DOCK8: variants seen among roughly 807,000 people sequenced by gnomAD.
DOCK8 encodes the protein dedicator of cytokinesis protein 8.
Under a neutral mutation model 245.6 loss-of-function variants are expected in DOCK8, and 141 were observed. The ratio of observed to expected loss-of-function variants is 0.57; its 90% CI spans 0.50 to 0.66. The LOEUF (loss-of-function observed/expected upper bound fraction) is 0.66, where lower values mean the gene tolerates loss of function less well. DOCK8 is among the 30% of genes least tolerant of loss of function. DOCK8 has a pLI of 0.00. For synonymous variants in DOCK8, 1,168 were observed against 970.2 expected (o/e 1.20, Z -3.79); for missense variants, 2,965 against 2,603.4 (o/e 1.14, Z -3.02).
intron 1 of DOCK8, among the ~76,000 whole-genome samples, chr9:233,593 C>T (rs9695364): frequency 0.069 from 10,499 of 151,748 alleles, 369 homozygotes; most frequent in African/African-American, 0.093. Context: ...GTATTGGGTG[C>T]ATATATATTT....
rs2057373104 is a variant in DOCK8 at position 449,800 on chromosome 9, T to C, written c.5834T>C (p.Ile1945Thr). 6.2e-7 allele frequency: 1 copy of C among 1,613,002 alleles called. No homozygotes were observed. Among genetic ancestry groups the C allele is most frequent in the South Asian group, 1.1e-5 (1 of 91,030 alleles). ...CATGTTCAGTTTGTTTTGACACCGA[T>C]TGAAGTTGCCATTGAAGACATGAAG... ...IQKEEFVLTP[I>T]EVAIEDMKKK... Residue 1945 changes from isoleucine (I) to threonine (T), a missense_variant, in exon 45 of 48, where the codon ATT becomes ACT. Coordinates refer to ENST00000432829, the MANE Select transcript of DOCK8 (RefSeq NM_203447.4).
At chr9:417,995 G>A (rs1393754501) in intron 29 of DOCK8, 73 bp from the exon 30 acceptor site, 1 of 1,600,094 alleles carries the variant, frequency 6.2e-7, no homozygotes, top group African/African-American at 1.3e-5. Context: ...AGAAGTATCA[G>A]TCTCTTATTG....
intron 39 of DOCK8, among the ~76,000 whole-genome samples, chr9:436,071 T>C (rs1333705983): frequency 1.3e-5 from 2 of 152,242 alleles, no homozygotes; most frequent in African/African-American, 4.8e-5. Flanking sequence ...CAATTCAAAG[T>C]AGCTTCCCCA....
chr9:462,095 G>T (rs2057822800), intron 46 of DOCK8, among the ~76,000 whole-genome samples: 1 of 150,622 alleles, frequency 6.6e-6, no homozygotes, highest in South Asian at 2.1e-4. Context: ...TTTGTTTGAT[G>T]CATCTGTTAG....
intron 8 of DOCK8, among the ~76,000 whole-genome samples, chr9:327,604 C>T (rs1460485421): frequency 1.3e-5 from 2 of 152,040 alleles, no homozygotes; most frequent in African/African-American, 4.8e-5. Context: ...ACCATGTTGC[C>T]CAGGCTGGTT....
chr9:403,378 C>T (rs2055204375), intron 26 of DOCK8, among the ~76,000 whole-genome samples: 1 of 152,184 alleles, frequency 6.6e-6, no homozygotes, highest in African/African-American at 2.4e-5. Flanking sequence ...GGTGGCTCCA[C>T]TGGTCCAAAG....
intron 4 of DOCK8, among the ~76,000 whole-genome samples, chr9:302,393 AC>A (rs1479377096): frequency 6.6e-6 from 1 of 152,188 alleles, no homozygotes; most frequent in Non-Finnish European, 1.5e-5. Context: ...GATTACAAAA[AC>A]CCTAGAGAAA....
intron 25 of DOCK8, 37 bp from the exon 26 acceptor site, chr9:399,109 T>A (rs776586661): frequency 6.3e-7 from 1 of 1,586,858 alleles, no homozygotes; most frequent in South Asian, 1.1e-5. Flanking sequence ...ATCCAGAGTG[T>A]CCCACAAAAT....
chr9:235,123 C>A (rs1287626432), intron 1 of DOCK8, among the ~76,000 whole-genome samples: 2 of 152,166 alleles, frequency 1.3e-5, no homozygotes, highest in Non-Finnish European at 2.9e-5. Flanking sequence ...ACAGACAGGA[C>A]CCTCAGCTGC....
intron 2 of DOCK8, among the ~76,000 whole-genome samples, chr9:279,396 G>A (rs146689937): frequency 6.5e-4 from 99 of 152,302 alleles, no homozygotes; most frequent in African/African-American, 2.3e-3. Flanking sequence ...TAAAGCCATG[G>A]GAGTGAATGA....
chr9:271,488 T>C (rs994304992), intron 1 of DOCK8, 139 bp from the exon 2 acceptor site: 24 of 674,648 alleles, frequency 3.6e-5, no homozygotes, highest in Non-Finnish European at 5.4e-5. Flanking sequence ...AACAGGCCAC[T>C]GAAAAGGTAT....
intron 14 of DOCK8, among the ~76,000 whole-genome samples, chr9:360,677 C>T (rs2052686030): frequency 6.6e-6 from 1 of 152,168 alleles, no homozygotes; most frequent in African/African-American, 2.4e-5. Context: ...TCTGGAATCT[C>T]AGACATTTTT....
At chr9:290,210 C>CAGG (rs1275497201) in intron 4 of DOCK8, among the ~76,000 whole-genome samples, 2 of 151,938 alleles carry the variant, frequency 1.3e-5, no homozygotes, top group Non-Finnish European at 2.9e-5. Context: ...ACATGGAGCC[C>CAGG]AGGATGGCTT....
At chr9:253,242 A>C (rs571793815) in intron 1 of DOCK8, among the ~76,000 whole-genome samples, 2 of 152,276 alleles carry the variant, frequency 1.3e-5, no homozygotes, top group South Asian at 4.1e-4. Flanking sequence ...ACTAAGGTTT[A>C]GTTTGTATGT....
At chr9:449,743 G>A in intron 44 of DOCK8, 41 bp from the exon 45 acceptor site, 1 of 1,611,898 alleles carries the variant, frequency 6.2e-7, no homozygotes, top group Non-Finnish European at 8.5e-7. Flanking sequence ...TAGCTTATGA[G>A]ACCAGACAGT....
intron 1 of DOCK8, among the ~76,000 whole-genome samples, chr9:267,014 G>A (rs1176721032): frequency 6.6e-6 from 1 of 152,086 alleles, no homozygotes; most frequent in Non-Finnish European, 1.5e-5. Flanking sequence ...CCTTTTTGTG[G>A]AGACAGATGT....
chr9:360,235 G>GAT (rs2052657828), intron 14 of DOCK8, among the ~76,000 whole-genome samples: 1 of 151,290 alleles, frequency 6.6e-6, no homozygotes, highest in Non-Finnish European at 1.5e-5. Flanking sequence ...AGAATTGCTT[G>GAT]ATCTTGGGCA....
chr9:340,870 T>A (rs889644140), intron 14 of DOCK8, among the ~76,000 whole-genome samples: 7 of 152,146 alleles, frequency 4.6e-5, no homozygotes, highest in African/African-American at 1.7e-4. Context: ...ATAGTGGACA[T>A]ATGTTTTCCA....
intron 1 of DOCK8, among the ~76,000 whole-genome samples, chr9:227,098 T>G (rs1342292789): frequency 1.3e-5 from 2 of 152,178 alleles, no homozygotes; most frequent in East Asian, 3.8e-4. Flanking sequence ...TTTTGTGTAC[T>G]TGGGACATGC....
Sources: gnomAD v4.1 joint callset for allele counts (sites outside exome capture counted in the v4.1 genomes callset) on GRCh38, gnomAD v4.1.1 for gene constraint, MANE v1.5 for transcripts, NCBI Gene and HGNC (gene_info 2026-07-23, HGNC 2026-07-21) for gene names.